The following EPSTI1 variants were observed in gnomAD, a reference collection of about 807,000 sequenced individuals.
The protein encoded by EPSTI1 is epithelial-stromal interaction protein 1.
Under a neutral mutation model 49.9 loss-of-function variants are expected in EPSTI1, and 66 were observed. The ratio of observed to expected loss-of-function variants is 1.32; its 90% CI spans 1.08 to 1.62. The LOEUF (loss-of-function observed/expected upper bound fraction) is 1.62, where lower values mean the gene tolerates loss of function less well. Ranked by LOEUF, EPSTI1 falls within the 40% of genes most tolerant of loss-of-function variation. EPSTI1 has a pLI of 0.00. For missense variants in EPSTI1, 394 were observed against 365.5 expected, an observed-to-expected ratio of 1.08 and a Z score of -0.64; for synonymous variants, 137 against 130.7, an observed-to-expected ratio of 1.05 and a Z score of -0.33.
chr13:42,957,902 A>G (rs1320493726), intron 5 of EPSTI1, among the ~76,000 whole-genome samples: 1 of 152,216 alleles, frequency 6.6e-6, no homozygotes, highest in Non-Finnish European at 1.5e-5. Flanking sequence ...CAGAGCAAAA[A>G]TAAGTGAGGA....
chr13:42,947,933 G>A (rs1419880655), intron 6 of EPSTI1, among the ~76,000 whole-genome samples: 4 of 152,202 alleles, frequency 2.6e-5, no homozygotes, highest in African/African-American at 9.6e-5. Context: ...CATCAATAAC[G>A]AGGCAGGCCT....
intron 8 of EPSTI1, among the ~76,000 whole-genome samples, chr13:42,907,948 G>A (rs1404713228): frequency 6.6e-6 from 1 of 152,166 alleles, no homozygotes; most frequent in Admixed American, 6.5e-5. Flanking sequence ...ATCCACACAT[G>A]CAGAGCCAAC....
intron 2 of EPSTI1, 161 bp from the exon 3 acceptor site, chr13:42,969,338 G>T: frequency 1.5e-6 from 1 of 686,626 alleles, no homozygotes; most frequent in Non-Finnish European, 2.4e-6. Context: ...GCCCTGACCC[G>T]TACAGGTCAT....
chr13:42,983,103 T>C (rs1054787325), intron 1 of EPSTI1, among the ~76,000 whole-genome samples: 5 of 152,242 alleles, frequency 3.3e-5, no homozygotes, highest in Non-Finnish European at 5.9e-5. Flanking sequence ...TGAATGGGTA[T>C]GCTTTTCTCT....
At chr13:42,941,641 T>A (rs1164298193) in intron 6 of EPSTI1, among the ~76,000 whole-genome samples, 3 of 150,062 alleles carry the variant, frequency 2.0e-5, no homozygotes, top group East Asian at 1.9e-4. Context: ...AGAAAAAAAA[T>A]TTTTTAAGTA....
chr13:42,892,262 G>T (rs1010099627), intron 10 of EPSTI1, among the ~76,000 whole-genome samples: 3 of 152,202 alleles, frequency 2.0e-5, no homozygotes, highest in Non-Finnish European at 4.4e-5. Flanking sequence ...GCCATTGGAG[G>T]GGTATGCAGA....
At chr13:42,948,535 G>A (rs376231765) in intron 6 of EPSTI1, among the ~76,000 whole-genome samples, 33 of 151,026 alleles carry the variant, frequency 2.2e-4, no homozygotes, top group African/African-American at 3.4e-4. Context: ...GTGCAGTGGC[G>A]GCATGACCAT....
rs2036890582 is a variant in EPSTI1, at chr13:42,887,275, TC to T, written c.*1218del. 6.6e-6 allele frequency: 1 copy of T among 152,286 alleles called. No individual in the cohort carries two copies. The highest frequency in any genetic ancestry group is 6.5e-5 in the Admixed American group (1 of 15,278). 9.4% of individuals were successfully genotyped at this position (152,286 alleles called of 1,614,324 possible). A position where few individuals can be genotyped will look rare whatever the true frequency, so the allele number is the denominator to read the frequency against. On this transcript the variant is annotated 3_prime_UTR_variant, in exon 11 of 11. Transcript: ENST00000313624. ...AGAAACTTCCTGACACCATCTGTTC[TC>T]TGTTACCCCCCACCCACCAATGTGG...
chr13:42,963,893 A>G (rs978913684), intron 4 of EPSTI1, among the ~76,000 whole-genome samples, 173 bp downstream of exon 4: 2 of 152,234 alleles, frequency 1.3e-5, no homozygotes, highest in Non-Finnish European at 2.9e-5. Context: ...AATTGAAGGT[A>G]TCCATCTCTT....
rs142773327 is a variant in EPSTI1 at position 42,953,925 on chromosome 13, A to G, written c.563+23T>C. The G allele has an allele frequency of 8.2e-5, 132 of 1,600,302 alleles. 1 individual carries two copies. The East Asian group carries it at 2.9e-3, about 35-fold the overall frequency. On this transcript the variant is annotated intron_variant, in intron 6 of 10. Transcript: ENST00000313624. The stretch of plus-strand genomic sequence containing the variant: ...TGAACAATCTGCCTATAAAGGCACG[A>G]AGTTCTGAAAACATTAACTTACTAT...
At chr13:42,983,231 T>C (rs574903870) in intron 1 of EPSTI1, among the ~76,000 whole-genome samples, 1 of 152,288 alleles carries the variant, frequency 6.6e-6, no homozygotes, top group African/African-American at 2.4e-5. Context: ...ATTACCACTC[T>C]CTTTAGCCTA....
chr13:42,908,808 C>T (rs953715776), intron 8 of EPSTI1, among the ~76,000 whole-genome samples: 1 of 151,812 alleles, frequency 6.6e-6, no homozygotes, highest in African/African-American at 2.4e-5. Context: ...AAGGGCCAGG[C>T]GCAGTGGCTC....
At chr13:42,991,941 G>A (rs1400443229) in intron 1 of EPSTI1, 37 bp downstream of exon 1, 1 of 1,611,052 alleles carries the variant, frequency 6.2e-7, no homozygotes, top group East Asian at 2.2e-5. Context: ...TTGGGGCCCG[G>A]GCTCCCGCCC....
In EPSTI1 at chr13:42,917,478, C is replaced by G. The variant is rs76537292; in HGVS notation, c.741+63G>C. ...GTCTAAATATTTCTGTTCAGAAATT[C>G]TTCAAAATTATCTAGTACCTCAAAT... On this transcript the variant is annotated intron_variant, in intron 8 of 10. Coordinates refer to ENST00000313624, the MANE Select transcript of EPSTI1 (RefSeq NM_033255.5). 1.4e-3 allele frequency: 1,875 copies of G among 1,357,836 alleles called. 28 individuals are homozygous for G. The African/African-American group carries it at 0.024, about 18-fold the overall frequency. 84.1% of individuals were successfully genotyped at this position (1,357,836 alleles called of 1,614,324 possible). A position where few individuals can be genotyped will look rare whatever the true frequency, so the allele number is the denominator to read the frequency against.
chr13:42,945,452 A>G (rs567270959), intron 6 of EPSTI1, among the ~76,000 whole-genome samples: 1 of 152,368 alleles, frequency 6.6e-6, no homozygotes, highest in Admixed American at 6.5e-5. Context: ...CCCAAATGCT[A>G]TAAGTCCTTT....
In EPSTI1 at chr13:42,966,708, C is replaced by A. The variant is rs1162521247; in HGVS notation, c.331+2386G>T. On this transcript the variant is annotated intron_variant, in intron 3 of 10. Transcript: ENST00000313624. ...GAGGGAGGTGGGGGGGTCAGCCCCCCGCCCGGCCAGCCGCCCCGTCCGGGA... is the reference window on the plus strand; with the variant it reads ...GAGGGAGGTGGGGGGGTCAGCCCCCAGCCCGGCCAGCCGCCCCGTCCGGGA... 4.6e-5 allele frequency among the ~76,000 whole-genome samples: 4 copies of A among 86,134 alleles called. 2 individuals carry two copies. The South Asian group carries it at 2.3e-3, about 50-fold the overall frequency. 56.5% of individuals were successfully genotyped at this position (86,134 alleles called of 152,430 possible). A position where few individuals can be genotyped will look rare whatever the true frequency, so the allele number is the denominator to read the frequency against.
rs2036915281 is a variant in EPSTI1 at position 42,888,136 on chromosome 13, AAT to A, written c.*356_*357del. On this transcript the variant is annotated 3_prime_UTR_variant, in exon 11 of 11. Transcript: ENST00000313624. ...AAACCTGATCTGAGAATTAGATAAG[AAT>A]ATGTCACTTAGAAAGACAAGCCTGT... The A allele has an allele frequency of 7.9e-7, 1 of 1,267,912 alleles. No homozygotes were observed. Among genetic ancestry groups the A allele is most frequent in the Non-Finnish European group, 1.1e-6 (1 of 914,420 alleles). The allele number at this position is 1,267,912 out of a possible 1,614,324, so 78.5% of individuals were successfully genotyped here.
At chr13:42,911,281 ACACGTGTG>A (rs2037676908) in intron 8 of EPSTI1, among the ~76,000 whole-genome samples, 1 of 110,768 alleles carries the variant, frequency 9.0e-6, no homozygotes, top group African/African-American at 3.0e-5. Flanking sequence ...GCACGCGCGC[ACACGTGTG>A]TGAGTGTGCA....
chr13:42,918,459 A>G (rs954740931), intron 7 of EPSTI1, among the ~76,000 whole-genome samples: 1 of 152,234 alleles, frequency 6.6e-6, no homozygotes, highest in Admixed American at 6.5e-5. Flanking sequence ...AGCAGGTTAC[A>G]TATTTCAGAC....
Sources: allele counts gnomAD v4.1 joint callset (sites outside exome capture counted in the v4.1 genomes callset), GRCh38; gene constraint gnomAD v4.1.1; transcripts MANE v1.5; gene names NCBI Gene and HGNC (gene_info 2026-07-23, HGNC 2026-07-21).